The following TUNAR variants were observed in gnomAD, a reference collection of about 807,000 sequenced individuals.
The protein encoded by TUNAR is protein TUNAR.
intron 2 of TUNAR, among the ~76,000 whole-genome samples, chr14:95,893,939 A>G (rs1889219436): frequency 6.6e-6 from 1 of 152,252 alleles, no homozygotes; most frequent in Non-Finnish European, 1.5e-5. Context: ...GCAGAAATGT[A>G]CATGGTGGGT....
At chr14:95,919,561 A>C (rs2139673170) in intron 2 of TUNAR, among the ~76,000 whole-genome samples, 1 of 151,936 alleles carries the variant, frequency 6.6e-6, no homozygotes, top group Admixed American at 6.5e-5. Context: ...AAATGTAAAA[A>C]TTTTAGCTGG....
chr14:95,921,980 C>T (rs1163461145), intron 2 of TUNAR, among the ~76,000 whole-genome samples: 1 of 152,124 alleles, frequency 6.6e-6, no homozygotes, highest in East Asian at 1.9e-4. Context: ...ATCTGCTCTC[C>T]TCTCGGTGCA....
At chr14:95,920,384 GT>G (rs1889676234) in intron 2 of TUNAR, among the ~76,000 whole-genome samples, 1 of 152,082 alleles carries the variant, frequency 6.6e-6, no homozygotes, top group East Asian at 1.9e-4. Context: ...GCACTTTCCT[GT>G]ATGTTTACTA....
At chr14:95,891,897 T>A (rs1358891395) in intron 2 of TUNAR, among the ~76,000 whole-genome samples, 1 of 152,242 alleles carries the variant, frequency 6.6e-6, no homozygotes, top group Non-Finnish European at 1.5e-5. Flanking sequence ...TTGGCATTCT[T>A]GCCTGTAGCT....
chr14:95,900,224 C>T (rs1473780506), intron 2 of TUNAR, among the ~76,000 whole-genome samples: 1 of 152,202 alleles, frequency 6.6e-6, no homozygotes, highest in Non-Finnish European at 1.5e-5. Context: ...CCCTCAAGGG[C>T]CCTGCAACTC....
chr14:95,894,076 C>T (rs377443145), intron 2 of TUNAR, among the ~76,000 whole-genome samples: 1 of 152,338 alleles, frequency 6.6e-6, no homozygotes, highest in East Asian at 1.9e-4. Context: ...GGCAGATTTC[C>T]AGAAGAGGGA....
chr14:95,920,568 C>T (rs1889680594), intron 2 of TUNAR, among the ~76,000 whole-genome samples: 1 of 152,090 alleles, frequency 6.6e-6, no homozygotes, highest in Non-Finnish European at 1.5e-5. Context: ...TTCACTTATG[C>T]ACAGTTTCAT....
At chr14:95,908,163 C>T (rs1889453656) in intron 2 of TUNAR, among the ~76,000 whole-genome samples, 1 of 152,220 alleles carries the variant, frequency 6.6e-6, no homozygotes, top group Admixed American at 6.5e-5. Context: ...GGCACCTGGG[C>T]TTGGCCCCAG....
intron 2 of TUNAR, among the ~76,000 whole-genome samples, chr14:95,918,158 A>G (rs1595126628): frequency 6.6e-6 from 1 of 152,098 alleles, no homozygotes; most frequent in Non-Finnish European, 1.5e-5. Context: ...GTATATATTT[A>G]TGGGGTACTT....
chr14:95,887,796 A>G (rs566221502), intron 2 of TUNAR, among the ~76,000 whole-genome samples: 240 of 152,230 alleles, frequency 1.6e-3, no homozygotes, highest in Non-Finnish European at 2.7e-3. Context: ...CGACCAGATG[A>G]TGGATGACAA....
intron 2 of TUNAR, among the ~76,000 whole-genome samples, chr14:95,919,271 C>T (rs759891110): frequency 6.6e-6 from 1 of 152,224 alleles, no homozygotes; most frequent in Non-Finnish European, 1.5e-5. Flanking sequence ...TATGCGTACC[C>T]TGTGCCCGGC....
At chr14:95,905,069 G>A (rs532300760) in intron 2 of TUNAR, among the ~76,000 whole-genome samples, 1 of 152,320 alleles carries the variant, frequency 6.6e-6, no homozygotes, top group South Asian at 2.1e-4. Context: ...CAAAGGCCCT[G>A]GTGGTTTGGT....
intron 2 of TUNAR, among the ~76,000 whole-genome samples, chr14:95,914,020 C>T (rs1246629809): frequency 4.6e-5 from 7 of 152,228 alleles, no homozygotes; most frequent in African/African-American, 9.6e-5. Context: ...CGTGAGCCAC[C>T]GTGCCCAGCC....
At chr14:95,882,171 G>A (rs1201457795) in intron 2 of TUNAR, among the ~76,000 whole-genome samples, 1 of 152,206 alleles carries the variant, frequency 6.6e-6, no homozygotes, top group Non-Finnish European at 1.5e-5. Flanking sequence ...ATAACATTGC[G>A]TGTCCTCGGT....
chr14:95,884,649 A>C (rs1889043316), intron 2 of TUNAR, among the ~76,000 whole-genome samples: 1 of 152,116 alleles, frequency 6.6e-6, no homozygotes, highest in Non-Finnish European at 1.5e-5. Flanking sequence ...TTTTCGAGGA[A>C]GTTTCTGGAT....
chr14:95,909,070 A>G (rs76609808), intron 2 of TUNAR, among the ~76,000 whole-genome samples: 2,837 of 152,268 alleles, frequency 0.019, 103 homozygotes, highest in East Asian at 0.13. Flanking sequence ...CTGGACTAAC[A>G]GAATTAACTT....
At chr14:95,905,341 A>G (rs1281691613) in intron 2 of TUNAR, among the ~76,000 whole-genome samples, 2 of 152,174 alleles carry the variant, frequency 1.3e-5, no homozygotes, top group Non-Finnish European at 2.9e-5. Context: ...CTCAGTTGCC[A>G]TGTCTCCTTA....
At chr14:95,889,033 C>G (rs1366497973) in intron 2 of TUNAR, among the ~76,000 whole-genome samples, 1 of 152,176 alleles carries the variant, frequency 6.6e-6, no homozygotes, top group Non-Finnish European at 1.5e-5. Context: ...GAGCTGTTTC[C>G]CCTTCAGATG....
intron 2 of TUNAR, among the ~76,000 whole-genome samples, chr14:95,878,648 C>T (rs925231464): frequency 6.6e-6 from 1 of 152,156 alleles, no homozygotes; most frequent in Non-Finnish European, 1.5e-5. Context: ...TGTTGATTTC[C>T]AAGAAGAGGA....
Sources: gnomAD v4.1 joint callset for allele counts (sites outside exome capture counted in the v4.1 genomes callset) on GRCh38, gnomAD v4.1.1 for gene constraint, MANE v1.5 for transcripts, NCBI Gene and HGNC (gene_info 2026-07-23, HGNC 2026-07-21) for gene names.